ADCY2: variants seen among roughly 807,000 people sequenced by gnomAD.
ADCY2 encodes the protein adenylate cyclase type 2.
A neutral mutation model predicts 125.2 loss-of-function variants in ADCY2; 31 were observed. The ratio of observed to expected loss-of-function variants is 0.25; its 90% CI spans 0.19 to 0.33. ADCY2 has a LOEUF of 0.33. Among genes scored for constraint, ADCY2 ranks in the 10% least tolerant of loss-of-function variants. ADCY2 has a pLI of 1.00. For missense variants in ADCY2, 904 were observed against 1,418.2 expected (o/e 0.64, Z 5.82); for synonymous variants, 512 against 548.4 (o/e 0.93, Z 0.93).
intron 1 of ADCY2, among the ~76,000 whole-genome samples, chr5:7,405,227 T>C (rs1268534509): frequency 6.6e-6 from 1 of 152,118 alleles, no homozygotes; most frequent in South Asian, 2.1e-4. Context: ...TGCCAAACTT[T>C]CATATGCCTG....
intron 2 of ADCY2, among the ~76,000 whole-genome samples, chr5:7,477,060 T>C (rs903637073): frequency 6.6e-6 from 1 of 152,154 alleles, no homozygotes; most frequent in African/African-American, 2.4e-5. Context: ...TTCTCCAGCA[T>C]CTAGTAAAGC....
Position 7,414,785 on chromosome 5 carries a change from T to A in ADCY2, c.408+15T>A, listed in dbSNP as rs765331515. 1 of 1,590,516 alleles carries A rather than the reference T, an allele frequency of 6.3e-7. No homozygotes were observed. Among genetic ancestry groups the A allele is most frequent in the Non-Finnish European group, 8.5e-7 (1 of 1,171,386 alleles). On this transcript the variant is annotated intron_variant, in intron 2 of 24. Transcript: ENST00000338316. ...CCTGGGACCAGGTAAGGTGTGAAAA[T>A]ATTTTTTGTACTTCTTTTATGTCTT...
At chr5:7,656,372 A>C (rs1485562546) in intron 4 of ADCY2, among the ~76,000 whole-genome samples, 8 of 152,160 alleles carry the variant, frequency 5.3e-5, no homozygotes, top group Non-Finnish European at 8.8e-5. Flanking sequence ...GTGCTAAAAC[A>C]CTTCCTTAGA....
At chr5:7,642,367 A>T (rs956160639) in intron 4 of ADCY2, among the ~76,000 whole-genome samples, 16 of 151,658 alleles carry the variant, frequency 1.1e-4, no homozygotes, top group Non-Finnish European at 2.1e-4. Flanking sequence ...TTTTAATGGG[A>T]TTATTTGTTT....
chr5:7,757,697 A>G (rs912072172), intron 16 of ADCY2, 111 bp downstream of exon 16: 4 of 1,448,720 alleles, frequency 2.8e-6, no homozygotes, highest in East Asian at 2.4e-5. Context: ...GCCCCACACC[A>G]TAGCTGTGTT....
intron 2 of ADCY2, among the ~76,000 whole-genome samples, chr5:7,458,609 G>A (rs897408597): frequency 6.6e-6 from 1 of 152,050 alleles, no homozygotes; most frequent in Admixed American, 6.6e-5. Flanking sequence ...TGTTAATGGC[G>A]TTTCTGTCTA....
intron 4 of ADCY2, among the ~76,000 whole-genome samples, chr5:7,681,242 T>C (rs566180259): frequency 2.1e-4 from 32 of 152,234 alleles, no homozygotes; most frequent in Non-Finnish European, 3.5e-4. Context: ...CACTTATTAT[T>C]CTTTCCTGAA....
chr5:7,542,050 A>G (rs1214960498), intron 3 of ADCY2, among the ~76,000 whole-genome samples: 1 of 152,160 alleles, frequency 6.6e-6, no homozygotes, highest in Non-Finnish European at 1.5e-5. Context: ...TCCACACTCT[A>G]CACAGAAGGA....
intron 2 of ADCY2, among the ~76,000 whole-genome samples, chr5:7,425,168 C>T (rs973236440): frequency 2.0e-5 from 3 of 152,144 alleles, no homozygotes; most frequent in Non-Finnish European, 2.9e-5. Flanking sequence ...AACACAAGGG[C>T]GCAACAAGGA....
At chr5:7,682,132 A>G (rs1305706275) in intron 4 of ADCY2, among the ~76,000 whole-genome samples, 1 of 152,238 alleles carries the variant, frequency 6.6e-6, no homozygotes, top group Non-Finnish European at 1.5e-5. Flanking sequence ...ATTAAGCAAG[A>G]CAATACTTAG....
intron 2 of ADCY2, among the ~76,000 whole-genome samples, chr5:7,447,387 C>T (rs1375333636): frequency 6.6e-6 from 1 of 152,162 alleles, no homozygotes; most frequent in Admixed American, 6.5e-5. Flanking sequence ...TGGGCATCAT[C>T]CTGGCAGTGG....
chr5:7,761,227 G>T (rs1431373500), intron 16 of ADCY2, among the ~76,000 whole-genome samples: 1 of 127,210 alleles, frequency 7.9e-6, no homozygotes, highest in East Asian at 2.5e-4. Flanking sequence ...TTGGCTCACT[G>T]CAACCTCTGC....
chr5:7,481,067 C>T (rs1742711619), intron 2 of ADCY2, among the ~76,000 whole-genome samples: 1 of 152,084 alleles, frequency 6.6e-6, no homozygotes, highest in Non-Finnish European at 1.5e-5. Context: ...ATGCTGTTCT[C>T]CATAGTGGTT....
chr5:7,706,240 T>C (rs1185132727), intron 7 of ADCY2, among the ~76,000 whole-genome samples: 1 of 152,254 alleles, frequency 6.6e-6, no homozygotes, highest in Middle Eastern at 3.2e-3. Context: ...CTTAATGTCA[T>C]GATTATTTTG....
At chr5:7,790,364 A>C (rs1744215759) in intron 20 of ADCY2, among the ~76,000 whole-genome samples, 1 of 152,252 alleles carries the variant, frequency 6.6e-6, no homozygotes, top group Non-Finnish European at 1.5e-5. Flanking sequence ...CATCCATTAG[A>C]GTGGATAGAA....
chr5:7,816,948 A>G lies in ADCY2; in HGVS notation c.2966A>G (p.Lys989Arg), dbSNP rs1313300715. ...ALVGKLDAIN[K>R]HSFNDFKLRV... is the part of the protein sequence containing the mutation. The stretch of plus-strand genomic sequence containing the variant: ...GTAGGGAAGCTGGATGCCATCAACA[A>G]GCACTCCTTCAACGACTTCAAATTG... The change falls in exon 23 of 25, where the codon AAG (lysine) becomes AGG (arginine). Residue 989 changes from lysine to arginine, a missense_variant. Coordinates refer to ENST00000338316, the MANE Select transcript of ADCY2 (RefSeq NM_020546.3). 6.2e-7 allele frequency: 1 copy of G among 1,614,138 alleles called. No homozygotes were observed. The highest frequency in any genetic ancestry group is 1.1e-5 in the South Asian group (1 of 91,070).
At chr5:7,742,095 A>G (rs11134255) in intron 14 of ADCY2, among the ~76,000 whole-genome samples, 142,733 of 146,618 alleles carry the variant, frequency 0.97, 69,602 homozygotes, top group Middle Eastern at 1. Flanking sequence ...GCATTACCTT[A>G]ACACCGAGAA....
chr5:7,414,670 A>G lies in ADCY2; in HGVS notation c.308A>G (p.Lys103Arg). The change falls in exon 2 of 25, where the codon AAG becomes AGG. Residue 103 changes from lysine to arginine, a missense_variant. This residue lies in a region of ADCY2 where 121 missense variants were observed against 161.5 expected (regional missense o/e 0.75). Coordinates refer to ENST00000338316, the MANE Select transcript of ADCY2 (RefSeq NM_020546.3). ...FILVCIESVF[K>R]KLLRLFSLVI... is the part of the protein sequence containing the mutation. ...CTGGTCTGCATCGAGTCTGTGTTTA[A>G]GAAGCTGCTGCGCCTCTTCTCGTTG... is the stretch of plus-strand genomic sequence containing the variant. 1 of 1,613,944 alleles carries G rather than the reference A, an allele frequency of 6.2e-7. No homozygotes were observed. Among genetic ancestry groups the G allele is most frequent in the South Asian group, 1.1e-5 (1 of 90,984 alleles).
chr5:7,492,725 C>T (rs1280157228), intron 2 of ADCY2, among the ~76,000 whole-genome samples: 1 of 151,398 alleles, frequency 6.6e-6, no homozygotes, highest in Admixed American at 6.6e-5. Context: ...CTTGCAGAGT[C>T]GTTTGGGGAG....
Sources: allele counts gnomAD v4.1 joint callset (sites outside exome capture counted in the v4.1 genomes callset), GRCh38; gene constraint gnomAD v4.1.1; regional missense constraint gnomAD v4.1.1; transcripts MANE v1.5; gene names NCBI Gene and HGNC (gene_info 2026-07-23, HGNC 2026-07-21).